SOX6: variants seen among roughly 807,000 people sequenced by gnomAD.
The protein encoded by SOX6 is SRY-box transcription factor 6.
SOX6 carries 11 observed loss-of-function variants against 97.8 expected under a neutral mutation model. That is an observed-to-expected ratio of 0.11 (90% CI 0.07 to 0.19). The LOEUF is 0.19. Ranked by LOEUF, SOX6 falls within the 10% of genes least tolerant of loss-of-function variation. The probability of loss-of-function intolerance (pLI) is 1.00; values close to 1 mark genes in which losing one functional copy is unlikely to be tolerated. For missense variants in SOX6, 810 were observed against 1,039.5 expected (o/e 0.78, Z 3.04); for synonymous variants, 360 against 371.4 (o/e 0.97, Z 0.35).
At chr11:16,530,061 G>T (rs188995463) in intron 4 of SOX6, among the ~76,000 whole-genome samples, 102 of 151,994 alleles carry the variant, frequency 6.7e-4, no homozygotes, top group African/African-American at 2.3e-3. Flanking sequence ...AGGACTGGAT[G>T]ACATATAACA....
intron 1 of SOX6, among the ~76,000 whole-genome samples, chr11:16,374,849 C>A (rs1025958853): frequency 6.6e-6 from 1 of 151,874 alleles, no homozygotes; most frequent in Non-Finnish European, 1.5e-5. Flanking sequence ...GTTTTTATTC[C>A]TTTCATATTC....
At chr11:16,149,733 T>C (rs1850410958) in intron 6 of SOX6, among the ~76,000 whole-genome samples, 1 of 152,200 alleles carries the variant, frequency 6.6e-6, no homozygotes, top group Non-Finnish European at 1.5e-5. Flanking sequence ...CATCTTTAGC[T>C]AATGAGCAAG....
chr11:16,077,567 T>A (rs1379082911), intron 9 of SOX6, among the ~76,000 whole-genome samples: 2 of 152,034 alleles, frequency 1.3e-5, no homozygotes, highest in African/African-American at 4.8e-5. Context: ...TAAATGCCCG[T>A]CATAGTAGAC....
intron 1 of SOX6, among the ~76,000 whole-genome samples, chr11:16,430,714 A>G (rs1859256535): frequency 6.6e-6 from 1 of 152,264 alleles, no homozygotes; most frequent in South Asian, 2.1e-4. Context: ...TCTGTTGTTT[A>G]TAAGCCACCC....
At chr11:16,133,646 A>G (rs964561981) in intron 6 of SOX6, among the ~76,000 whole-genome samples, 38 of 151,866 alleles carry the variant, frequency 2.5e-4, no homozygotes, top group Non-Finnish European at 5.1e-4. Context: ...TTACAACATT[A>G]TCATATTATT....
intron 4 of SOX6, among the ~76,000 whole-genome samples, chr11:16,505,896 G>C (rs756454860): frequency 3.3e-5 from 5 of 152,242 alleles, no homozygotes; most frequent in Admixed American, 6.5e-5. Context: ...CAAGAGTTGA[G>C]GCTTGGGAGC....
intron 1 of SOX6, among the ~76,000 whole-genome samples, chr11:16,378,130 A>G (rs1857692600): frequency 6.6e-6 from 1 of 152,216 alleles, no homozygotes; most frequent in African/African-American, 2.4e-5. Flanking sequence ...AATGTTCAAC[A>G]GTTAGTAAGT....
chr11:16,494,625 G>A (rs567063555), intron 4 of SOX6, among the ~76,000 whole-genome samples: 1 of 152,036 alleles, frequency 6.6e-6, no homozygotes, highest in South Asian at 2.1e-4. Flanking sequence ...CCTTCAAATC[G>A]ATCACTTAAG....
intron 11 of SOX6, among the ~76,000 whole-genome samples, chr11:16,049,363 G>A (rs1186302639): frequency 6.6e-6 from 1 of 150,924 alleles, no homozygotes; most frequent in African/African-American, 2.5e-5. Context: ...TATGGGATAA[G>A]ATGTAAAATT....
chr11:16,487,814 T>C (rs1449981337), intron 4 of SOX6, among the ~76,000 whole-genome samples: 1 of 152,184 alleles, frequency 6.6e-6, no homozygotes, highest in Non-Finnish European at 1.5e-5. Flanking sequence ...TACCACGCCC[T>C]CTTAACCACA....
At chr11:16,000,697 GGAGA>G (rs941895114) in intron 13 of SOX6, among the ~76,000 whole-genome samples, 7 of 151,684 alleles carry the variant, frequency 4.6e-5, no homozygotes, top group African/African-American at 1.7e-4. Context: ...AATAAACTAG[GGAGA>G]GAGAGAGGAT....
intron 3 of SOX6, among the ~76,000 whole-genome samples, chr11:16,288,250 T>A (rs963181109): frequency 3.3e-5 from 5 of 152,070 alleles, no homozygotes; most frequent in Non-Finnish European, 5.9e-5. Flanking sequence ...AAGACTATGC[T>A]AAGGCCTGGT....
intron 3 of SOX6, among the ~76,000 whole-genome samples, chr11:16,301,913 T>C (rs980835761): frequency 6.6e-6 from 1 of 152,184 alleles, no homozygotes; most frequent in Non-Finnish European, 1.5e-5. Flanking sequence ...AAACTTGGTA[T>C]ATCTAAATGC....
At chr11:16,737,498 G>A (rs961260988) in intron 1 of SOX6, among the ~76,000 whole-genome samples, 12 of 149,912 alleles carry the variant, frequency 8.0e-5, no homozygotes, top group Non-Finnish European at 1.5e-4. Context: ...GAGCCATGGC[G>A]CCAGGCCTAA....
intron 6 of SOX6, among the ~76,000 whole-genome samples, chr11:16,168,478 T>C (rs1309247762): frequency 6.6e-6 from 1 of 152,170 alleles, no homozygotes; most frequent in African/African-American, 2.4e-5. Flanking sequence ...CATATTCAGA[T>C]GCACTTCAAT....
chr11:15,995,807 T>A (rs371326614), intron 13 of SOX6, among the ~76,000 whole-genome samples: 1 of 152,174 alleles, frequency 6.6e-6, no homozygotes, highest in Admixed American at 6.5e-5. Context: ...CAATGAAGAC[T>A]AGTAGACTAT....
chr11:16,072,581 C>T (rs939995354), intron 9 of SOX6, among the ~76,000 whole-genome samples: 2 of 152,070 alleles, frequency 1.3e-5, no homozygotes, highest in African/African-American at 4.8e-5. Flanking sequence ...AAATTCGAAT[C>T]CAGGAAATGC....
At chr11:16,034,696 G>T (rs914203073) in intron 12 of SOX6, among the ~76,000 whole-genome samples, 8 of 152,104 alleles carry the variant, frequency 5.3e-5, no homozygotes, top group Admixed American at 1.3e-4. Context: ...ACACATACAC[G>T]AAGACTTATA....
intron 6 of SOX6, among the ~76,000 whole-genome samples, chr11:16,140,294 T>G (rs1208374673): frequency 2.0e-5 from 3 of 152,160 alleles, no homozygotes; most frequent in South Asian, 2.1e-4. Flanking sequence ...GCATTTCAAC[T>G]GAATGAGAAA....
Sources: allele counts gnomAD v4.1 joint callset (sites outside exome capture counted in the v4.1 genomes callset), GRCh38; gene constraint gnomAD v4.1.1; transcripts MANE v1.5; gene names NCBI Gene and HGNC (gene_info 2026-07-23, HGNC 2026-07-21).